CCDC14: variants seen among roughly 807,000 people sequenced by gnomAD.
The protein encoded by CCDC14 is coiled-coil domain containing 14.
Under a neutral mutation model 81.4 loss-of-function variants are expected in CCDC14, and 71 were observed. The observed-to-expected ratio is 0.87, with a 90% CI of 0.72 to 1.06. The LOEUF is 1.06. CCDC14 is among the 50% of genes least tolerant of loss of function. CCDC14 has a pLI of 0.00. For synonymous variants in CCDC14, 332 were observed against 364.8 expected (o/e 0.91, Z 1.03); for missense variants, 1,046 against 1,047.3 (o/e 1.00, Z 0.02).
intron 12 of CCDC14, among the ~76,000 whole-genome samples, chr3:123,919,744 TA>T (rs1216858887): frequency 6.6e-6 from 1 of 152,162 alleles, no homozygotes; most frequent in African/African-American, 2.4e-5. Context: ...CAGGCTAGAC[TA>T]AATAGTGAAG....
At chr3:123,932,920 G>A (rs533931642) in intron 10 of CCDC14, among the ~76,000 whole-genome samples, 3 of 151,922 alleles carry the variant, frequency 2.0e-5, no homozygotes, top group Non-Finnish European at 4.4e-5. Flanking sequence ...CCAACATGAT[G>A]AAACCCTGTC....
chr3:123,934,279 A>AAAC (rs1239285523), intron 9 of CCDC14, among the ~76,000 whole-genome samples: 4 of 150,112 alleles, frequency 2.7e-5, no homozygotes, highest in African/African-American at 4.9e-5. Flanking sequence ...TCAAAAAAAA[A>AAAC]AAAAAAAAAA....
Position 123,915,281 on chromosome 3 carries a change from G to C in CCDC14, c.2216C>G (p.Pro739Arg). The change falls in exon 13 of 13, where the codon CCT becomes CGT. Residue 739 changes from proline to arginine, a missense_variant. Pro to Arg is a moderately radical substitution (Grantham distance 103, BLOSUM62 -2). Transcript: ENST00000409697. ...TIYIPFARST[P>R]EKKSPLSKRL... ...CTTAGAAAGTGGTGATTTCTTTTCA[G>C]GAGTGCTTCTAGCAAAAGGAATGTA... The C allele has an allele frequency of 6.2e-7, 1 of 1,613,874 alleles. No individual in the cohort carries two copies. Among genetic ancestry groups the C allele is most frequent in the South Asian group, 1.1e-5 (1 of 91,050 alleles).
At chr3:123,940,708 C>T (rs1280486463) in intron 9 of CCDC14, among the ~76,000 whole-genome samples, 6 of 151,982 alleles carry the variant, frequency 3.9e-5, no homozygotes, top group Non-Finnish European at 8.8e-5. Flanking sequence ...TACTTTCAAT[C>T]AGATTGTCTC....
chr3:123,946,417 G>A lies in CCDC14; in HGVS notation c.1201+386C>T, dbSNP rs570144046. 1.6e-4 allele frequency among the ~76,000 whole-genome samples: 24 copies of A among 152,234 alleles called. 1 individual carries two copies. The highest frequency in any genetic ancestry group is 5.8e-4 in the African/African-American group (24 of 41,540). ...ACAGTTGGCTATTAAAGAAGTGACA[G>A]GAAAGAATTCTCTGCATCTTTTTAA... On this transcript the variant is annotated intron_variant, in intron 8 of 12. Coordinates refer to ENST00000409697, the MANE Select transcript of CCDC14 (RefSeq NM_001366335.1).
At chr3:123,940,273 G>A (rs551487955) in intron 9 of CCDC14, among the ~76,000 whole-genome samples, 2 of 151,386 alleles carry the variant, frequency 1.3e-5, no homozygotes, top group East Asian at 1.9e-4. Context: ...TTTCATTTTT[G>A]TAATTTTTTT....
At chr3:123,903,225 A>G (rs57238032) in intron 5 of CCDC14, among the ~76,000 whole-genome samples, 19,470 of 151,786 alleles carry the variant, frequency 0.13, 2,873 homozygotes, top group East Asian at 0.47. Context: ...ATGGACACAC[A>G]GAAGTTCACT....
At chr3:123,905,827 G>C (rs2034295005) in intron 5 of CCDC14, among the ~76,000 whole-genome samples, 1 of 152,096 alleles carries the variant, frequency 6.6e-6, no homozygotes. Flanking sequence ...CATGCTAAAG[G>C]TATCAGAAAC....
intron 12 of CCDC14, among the ~76,000 whole-genome samples, chr3:123,918,750 C>T (rs2034858881): frequency 6.6e-6 from 1 of 152,196 alleles, no homozygotes; most frequent in Non-Finnish European, 1.5e-5. Flanking sequence ...GGCTAGAACA[C>T]TTGGGGTTAG....
chr3:123,891,498 C>G, the CCDC14 span, among the ~76,000 whole-genome samples: 1 of 148,166 alleles, frequency 6.7e-6, no homozygotes. Context: ...AATCATCTAT[C>G]TCAAGTTCAA....
chr3:123,929,592 T>G (rs2035587256), intron 12 of CCDC14, among the ~76,000 whole-genome samples: 1 of 152,154 alleles, frequency 6.6e-6, no homozygotes, highest in African/African-American at 2.4e-5. Context: ...CATGAGGCCC[T>G]GCAACCAACA....
chr3:123,941,206 G>C (rs2036330831), intron 9 of CCDC14, among the ~76,000 whole-genome samples: 1 of 151,830 alleles, frequency 6.6e-6, no homozygotes. Flanking sequence ...AAAATTAATG[G>C]GGCACCACAG....
intron 12 of CCDC14, among the ~76,000 whole-genome samples, chr3:123,922,090 A>T (rs955585162): frequency 2.0e-5 from 3 of 152,232 alleles, no homozygotes; most frequent in Non-Finnish European, 2.9e-5. Context: ...GGAAATTCAC[A>T]AACGTGGAAA....
In CCDC14 at chr3:123,913,969, A is replaced by G; in HGVS notation, c.*810T>C. ...TTCTCAGCTAACATGCTGGGAGAAA[A>G]AATTCTTCCAAAAAGGCAGAATTAC... On this transcript the variant is annotated 3_prime_UTR_variant, in exon 13 of 13. Coordinates refer to ENST00000409697, the MANE Select transcript of CCDC14 (RefSeq NM_001366335.1). The G allele has an allele frequency of 2.0e-6, 2 of 985,570 alleles. No homozygotes were observed. Among genetic ancestry groups the G allele is most frequent in the Non-Finnish European group, 2.4e-6 (2 of 829,732 alleles). The allele number at this position is 985,570 out of a possible 1,614,324, so 61.1% of individuals were successfully genotyped here. A position where few individuals can be genotyped will look rare whatever the true frequency, so the allele number is the denominator to read the frequency against.
Position 123,948,721 on chromosome 3 carries a change from C to G in CCDC14, c.654G>C (p.Gln218His). 1 of 1,601,878 alleles carries G rather than the reference C, an allele frequency of 6.2e-7. No homozygotes were observed. The highest frequency in any genetic ancestry group is 8.5e-7 in the Non-Finnish European group (1 of 1,177,072). Residue 218 changes from glutamine (Q) to histidine (H), a missense_variant, in exon 7 of 13, where the codon CAG becomes CAC. Gln to His is a conservative substitution (Grantham distance 24). Transcript: ENST00000409697. ...LCTSTPVWSL[Q>H]RPPCPPKVHS... is the part of the protein sequence containing the mutation. ...GAACCTTTGGAGGGCAGGGTGGCCGCTGAAGTGACCAGACTGGGGTGGAGG... is the reference window on the plus strand; with the variant it reads ...GAACCTTTGGAGGGCAGGGTGGCCGGTGAAGTGACCAGACTGGGGTGGAGG...
intron 9 of CCDC14, among the ~76,000 whole-genome samples, chr3:123,937,699 T>C (rs2036126348): frequency 6.6e-6 from 1 of 151,894 alleles, no homozygotes; most frequent in Admixed American, 6.6e-5. Context: ...TTTTTCTAGT[T>C]TATATTTTTT....
intron 5 of CCDC14, among the ~76,000 whole-genome samples, chr3:123,907,140 C>A (rs1011632320): frequency 6.6e-6 from 1 of 152,096 alleles, no homozygotes; most frequent in African/African-American, 2.4e-5. Context: ...ATTTATTTCC[C>A]CTATTTCCTA....
At chr3:123,916,781 A>G (rs553404711) in intron 12 of CCDC14, among the ~76,000 whole-genome samples, 6 of 152,130 alleles carry the variant, frequency 3.9e-5, no homozygotes, top group Non-Finnish European at 7.3e-5. Flanking sequence ...GTTTCAGTCT[A>G]AGTGGGTGTT....
At chr3:123,886,322 CT>C in the CCDC14 span, among the ~76,000 whole-genome samples, 3 of 150,352 alleles carry the variant, frequency 2.0e-5, no homozygotes, top group African/African-American at 7.3e-5. Flanking sequence ...TTTGTTTTTT[CT>C]TTCCTTCCTT....
Sources: allele counts gnomAD v4.1 joint callset (sites outside exome capture counted in the v4.1 genomes callset), GRCh38; gene constraint gnomAD v4.1.1; transcripts MANE v1.5; gene names NCBI Gene and HGNC (gene_info 2026-07-23, HGNC 2026-07-21).